The following FLRT2 variants were observed in gnomAD, a reference collection of about 807,000 sequenced individuals.
FLRT2 encodes leucine-rich repeat transmembrane protein FLRT2.
In FLRT2, 15 loss-of-function variants were observed where a neutral mutation model predicts 40.0. The observed-to-expected ratio is 0.38, with a 90% CI of 0.25 to 0.58. FLRT2 has a LOEUF of 0.58. FLRT2 is among the 20% of genes least tolerant of loss of function. The pLI, the probability that FLRT2 is intolerant of heterozygous loss-of-function variation, is 0.71. For synonymous variants in FLRT2, 380 were observed against 336.8 expected (o/e 1.13, Z -1.41); for missense variants, 726 against 840.0 (o/e 0.86, Z 1.68).
chr14:85,619,005 G>A (rs1269885014), intron 1 of FLRT2, among the ~76,000 whole-genome samples: 2 of 151,912 alleles, frequency 1.3e-5, no homozygotes, highest in African/African-American at 4.8e-5. Context: ...TTTATAGAGA[G>A]GTTTCTTTTG....
chr14:85,542,795 T>C (rs1416070284), intron 1 of FLRT2, among the ~76,000 whole-genome samples: 1 of 152,172 alleles, frequency 6.6e-6, no homozygotes, highest in Non-Finnish European at 1.5e-5. Flanking sequence ...CACGCAGACA[T>C]CCGTTTGAGT....
intron 1 of FLRT2, among the ~76,000 whole-genome samples, chr14:85,536,051 C>T (rs1888643377): frequency 6.6e-6 from 1 of 151,810 alleles, no homozygotes; most frequent in Admixed American, 6.6e-5. Flanking sequence ...CCATGCTGGG[C>T]TACCCTGGAG....
In FLRT2 at chr14:85,653,068, C is replaced by T. The variant is rs1308904134; in HGVS notation, c.*29571C>T. ...GCAATGGCTGGGATAATGGCCATTA[C>T]CTAAAAGAAAGAAGGCAGCAAATGG... On this transcript the variant is annotated 3_prime_UTR_variant, in exon 2 of 2. Coordinates refer to ENST00000330753, the MANE Select transcript of FLRT2 (RefSeq NM_013231.6). 1.3e-5 allele frequency: 2 copies of T among 152,050 alleles called. No homozygotes were observed. The highest frequency in any genetic ancestry group is 2.4e-5 in the African/African-American group (1 of 41,414). The allele number at this position is 152,050 out of a possible 1,614,324, so 9.4% of individuals were successfully genotyped here. A position where few individuals can be genotyped will look rare whatever the true frequency, so the allele number is the denominator to read the frequency against.
chr14:85,627,274 C>G lies in FLRT2; in HGVS notation c.*3777C>G, dbSNP rs1566768910. On this transcript the variant is annotated 3_prime_UTR_variant, in exon 2 of 2. Transcript: ENST00000330753. ...CACACAGAACAAAACAGTTCTTGGT[C>G]TTGTTCTTGGTCTTGTCAAACCTTG... 2 of 167,018 alleles carry G rather than the reference C, an allele frequency of 1.2e-5. No homozygotes were observed. The highest frequency in any genetic ancestry group is 2.4e-5 in the African/African-American group (1 of 41,434). 10.3% of individuals were successfully genotyped at this position (167,018 alleles called of 1,614,324 possible).
At chr14:85,585,000 G>A (rs1010813503) in intron 1 of FLRT2, among the ~76,000 whole-genome samples, 8 of 152,096 alleles carry the variant, frequency 5.3e-5, no homozygotes, top group Non-Finnish European at 7.4e-5. Flanking sequence ...AGATGCAGTC[G>A]AGGGCTTTTG....
rs34161461 is a variant in FLRT2 at position 85,567,635 on chromosome 14, A to ATT, written c.-377+37123_-377+37124dup. ...GCCTAGCACACGGGAAGTGACTTAC[A>ATT]TTTTTTTTTTTTTTTTTTTTTTTGA... On this transcript the variant is annotated intron_variant, in intron 1 of 1. Transcript: ENST00000330753. Among the ~76,000 whole-genome samples the ATT allele has an allele frequency of 2.1e-3, 159 of 75,022 alleles. 1 individual carries two copies. Among genetic ancestry groups the ATT allele is most frequent in the African/African-American group, 4.0e-3 (82 of 20,474 alleles). The allele number at this position is 75,022 out of a possible 152,430, so 49.2% of individuals were successfully genotyped here. A position where few individuals can be genotyped will look rare whatever the true frequency, so the allele number is the denominator to read the frequency against.
At chr14:85,563,110 A>G (rs1890447159) in intron 1 of FLRT2, 1 of 150,922 alleles carries the variant, frequency 6.6e-6, no homozygotes, top group South Asian at 2.1e-4. Context: ...TTGGACCTCC[A>G]CTCCTTAAAA....
At chr14:85,585,725 T>C (rs1030082453) in intron 1 of FLRT2, among the ~76,000 whole-genome samples, 13 of 152,116 alleles carry the variant, frequency 8.5e-5, no homozygotes, top group Admixed American at 3.3e-4. Context: ...GTTTTTCTCA[T>C]ATTTAACTAA....
intron 1 of FLRT2, among the ~76,000 whole-genome samples, chr14:85,603,817 G>A (rs1446103496): frequency 6.6e-6 from 1 of 152,124 alleles, no homozygotes; most frequent in South Asian, 2.1e-4. Flanking sequence ...GCAGCGAGCC[G>A]AGGTCTCTTG....
intron 1 of FLRT2, among the ~76,000 whole-genome samples, chr14:85,592,343 G>A (rs1045491929): frequency 3.3e-5 from 5 of 152,126 alleles, no homozygotes; most frequent in South Asian, 2.1e-4. Context: ...TGTGGGACAC[G>A]TGGTAAATGG....
intron 1 of FLRT2, among the ~76,000 whole-genome samples, chr14:85,569,439 A>T (rs1434693921): frequency 6.6e-6 from 1 of 152,180 alleles, no homozygotes; most frequent in African/African-American, 2.4e-5. Flanking sequence ...GGACTGTGGG[A>T]CCAGGACAGG....
intron 1 of FLRT2, among the ~76,000 whole-genome samples, chr14:85,546,754 T>C (rs1184434950): frequency 2.0e-5 from 3 of 152,232 alleles, no homozygotes; most frequent in Non-Finnish European, 2.9e-5. Flanking sequence ...AATCAGCCTA[T>C]GGCATGGTGT....
At chr14:85,552,652 A>G (rs1889705867) in intron 1 of FLRT2, 1 of 152,192 alleles carries the variant, frequency 6.6e-6, no homozygotes, top group African/African-American at 2.4e-5. Flanking sequence ...AAAGAGAAAA[A>G]TGGCCCCTCT....
In FLRT2 at chr14:85,642,931, T is replaced by G. The variant is rs767613419; in HGVS notation, c.*19434T>G. ...GACTGAGTGGCTTAAACAATAAACA[T>G]TTATTACTTCCAATTCTTGAGGCTG... On this transcript the variant is annotated 3_prime_UTR_variant, in exon 2 of 2. Transcript: ENST00000330753. 6.6e-6 allele frequency: 1 copy of G among 152,190 alleles called. No homozygotes were observed. The highest frequency in any genetic ancestry group is 1.5e-5 in the Non-Finnish European group (1 of 68,040). 9.4% of individuals were successfully genotyped at this position (152,190 alleles called of 1,614,324 possible). A position where few individuals can be genotyped will look rare whatever the true frequency, so the allele number is the denominator to read the frequency against.
Position 85,623,243 on chromosome 14 carries a change from T to C in FLRT2, c.1729T>C (p.Trp577Arg). The C allele has an allele frequency of 6.6e-7, 1 of 1,517,294 alleles. No homozygotes were observed. Among genetic ancestry groups the C allele is most frequent in the Non-Finnish European group, 8.8e-7 (1 of 1,133,338 alleles). 94.0% of individuals were successfully genotyped at this position (1,517,294 alleles called of 1,614,324 possible). A position where few individuals can be genotyped will look rare whatever the true frequency, so the allele number is the denominator to read the frequency against. The change falls in exon 2 of 2, where the codon TGG (tryptophan) becomes CGG (arginine). Residue 577 changes from tryptophan to arginine, a missense_variant. Around this residue, in one of 3 missense-constraint regions of FLRT2, gnomAD observed 611 missense variants for 690.0 expected, o/e 0.89. Transcript: ENST00000330753. ...AAAGGGGCGCTACACCTCCCAGAAGTGGAAATACAACCGGGGCCGGCGGAA... is the reference window on the plus strand; with the variant it reads ...AAAGGGGCGCTACACCTCCCAGAAGCGGAAATACAACCGGGGCCGGCGGAA... ...HKKGRYTSQK[W>R]KYNRGRRKDD... is the part of the protein sequence containing the mutation.
rs913890986 is a variant in FLRT2, at chr14:85,635,244, G to A, written c.*11747G>A. ...GCCTCAGTTTCCTCATATATGAAAT[G>A]AGGTACTAATACTTTTAAGGATTTG... On this transcript the variant is annotated 3_prime_UTR_variant, in exon 2 of 2. Coordinates refer to ENST00000330753, the MANE Select transcript of FLRT2 (RefSeq NM_013231.6). 2.0e-5 allele frequency: 3 copies of A among 152,040 alleles called. No homozygotes were observed. Among genetic ancestry groups the A allele is most frequent in the African/African-American group, 7.2e-5 (3 of 41,406 alleles). The allele number at this position is 152,040 out of a possible 1,614,324, so 9.4% of individuals were successfully genotyped here. A position where few individuals can be genotyped will look rare whatever the true frequency, so the allele number is the denominator to read the frequency against.
intron 1 of FLRT2, among the ~76,000 whole-genome samples, chr14:85,536,455 G>C (rs185480738): frequency 6.6e-6 from 1 of 152,076 alleles, no homozygotes; most frequent in African/African-American, 2.4e-5. Context: ...ATTCAAAAAA[G>C]GTCAAGGTGA....
rs1204807584 is a variant in FLRT2, at chr14:85,648,569, T to A, written c.*25072T>A. On this transcript the variant is annotated 3_prime_UTR_variant, in exon 2 of 2. Coordinates refer to ENST00000330753, the MANE Select transcript of FLRT2 (RefSeq NM_013231.6). ...CCAGAGAGCAATCACTCAGATGTGC[T>A]CTTGTACTTAATACTTCCACTGGCA... 6.6e-6 allele frequency: 1 copy of A among 152,208 alleles called. No individual in the cohort carries two copies. The highest frequency in any genetic ancestry group is 2.4e-5 in the African/African-American group (1 of 41,466). 9.4% of individuals were successfully genotyped at this position (152,208 alleles called of 1,614,324 possible).
intron 1 of FLRT2, among the ~76,000 whole-genome samples, chr14:85,618,961 T>C (rs1893261042): frequency 6.6e-6 from 1 of 152,196 alleles, no homozygotes; most frequent in Non-Finnish European, 1.5e-5. Context: ...TCATTTTTCC[T>C]ATGCCACCTC....
Sources: gnomAD v4.1 joint callset for allele counts (sites outside exome capture counted in the v4.1 genomes callset) on GRCh38, gnomAD v4.1.1 for gene constraint, gnomAD v4.1.1 regional missense constraint, MANE v1.5 for transcripts, NCBI Gene and HGNC (gene_info 2026-07-23, HGNC 2026-07-21) for gene names.